Variants in ZKSCAN2 observed in about 807,000 individuals in gnomAD.
The protein encoded by ZKSCAN2 is zinc finger protein with KRAB and SCAN domains 2.
ZKSCAN2 carries 38 observed loss-of-function variants against 90.5 expected under a neutral mutation model. The ratio of observed to expected loss-of-function variants is 0.42; its 90% confidence interval spans 0.32 to 0.55. The LOEUF (loss-of-function observed/expected upper bound fraction) is 0.55, where lower values mean the gene tolerates loss of function less well. ZKSCAN2 is among the 20% of genes least tolerant of loss of function. ZKSCAN2 has a pLI of 0.11. For synonymous variants in ZKSCAN2, 429 were observed against 421.6 expected, an observed-to-expected ratio of 1.02 and a Z score of -0.22; for missense variants, 1,167 against 1,202.6, an observed-to-expected ratio of 0.97 and a Z score of 0.44.
intron 4 of ZKSCAN2, among the ~76,000 whole-genome samples, chr16:25,248,881 C>T (rs144142067): frequency 3.9e-5 from 6 of 152,232 alleles, no homozygotes; most frequent in Admixed American, 6.5e-5. Flanking sequence ...AGCTAAGATA[C>T]GGAAGCAACC....
At position 25,247,090 on chromosome 16, in the gene ZKSCAN2, C is replaced by T. The variant is rs774937230; in HGVS notation, c.1106G>A (p.Arg369Gln). 2.5e-6 allele frequency: 4 copies of T among 1,614,152 alleles called. No individual in the cohort carries two copies. Among genetic ancestry groups the T allele is most frequent in the South Asian group, 1.1e-5 (1 of 91,072 alleles). ...RFYETLQACP[R>Q]NSQVYGAVAE... is the part of the protein sequence containing the mutation. ...CACAGCACCATACACTTGGCTATTT[C>T]GGGGACAGGCCTGAAGTGTTTCATA... Residue 369 changes from arginine (R) to glutamine (Q), a missense_variant, in exon 5 of 7, where the codon CGA becomes CAA. By Grantham distance (43) the Arg-to-Gln change is conservative. Coordinates refer to ENST00000328086, the MANE Select transcript of ZKSCAN2 (RefSeq NM_001012981.5).
chr16:25,246,739 T>G lies in ZKSCAN2; in HGVS notation c.1457A>C (p.His486Pro). The change falls in exon 5 of 7, where the codon CAT becomes CCT. Residue 486 changes from histidine (H) to proline (P), a missense_variant. Coordinates refer to ENST00000328086, the MANE Select transcript of ZKSCAN2 (RefSeq NM_001012981.5). ...GIEFIRKSEI[H>P]GAPVLFQNLS... is the part of the protein sequence containing the mutation. ...ATTCTGAAACAAGACAGGGGCACCA[T>G]GGATTTCAGACTTGCGGATAAATTC... The G allele has an allele frequency of 1.2e-6, 2 of 1,614,224 alleles. No individual in the cohort carries two copies. Among genetic ancestry groups the G allele is most frequent in the Non-Finnish European group, 1.7e-6 (2 of 1,180,032 alleles).
intron 6 of ZKSCAN2, among the ~76,000 whole-genome samples, 192 bp from the exon 7 acceptor site, chr16:25,240,930 C>A (rs983301897): frequency 6.6e-6 from 1 of 152,178 alleles, no homozygotes; most frequent in Non-Finnish European, 1.5e-5. Context: ...ACAGAGTAGG[C>A]CTTAAGAAAT....
Position 25,252,745 on chromosome 16 carries a change from C to A in ZKSCAN2, c.678+201G>T, listed in dbSNP as rs531309135. 2.0e-5 allele frequency among the ~76,000 whole-genome samples: 3 copies of A among 152,176 alleles called. No homozygotes were observed. The South Asian group carries it at 6.2e-4, about 32-fold the overall frequency. ...CCTAGGCAACATGGTGAAACCCTGT[C>A]TCTACTAAAAATACTAAAACTTAGC... is the stretch of plus-strand genomic sequence containing the variant. On this transcript the variant is annotated intron_variant, in intron 3 of 6. Transcript: ENST00000328086.
intron 5 of ZKSCAN2, 123 bp from the exon 6 acceptor site, chr16:25,244,399 A>C: frequency 1.0e-6 from 1 of 991,974 alleles, no homozygotes; most frequent in Non-Finnish European, 1.5e-6. Context: ...CAAGAACTAC[A>C]TATGCCTAGG....
At position 25,248,956 on chromosome 16, in the gene ZKSCAN2, A is replaced by G. The variant is rs568600592; in HGVS notation, c.806-1566T>C. Among the ~76,000 whole-genome samples the G allele has an allele frequency of 7.2e-5, 11 of 152,364 alleles. No individual in the cohort carries two copies. The South Asian group carries it at 1.0e-3, about 14-fold the overall frequency. On this transcript the variant is annotated intron_variant, in intron 4 of 6. Transcript: ENST00000328086. ...CAAAGGAATATTATTCTGCCTTAAA[A>G]AAGAAGAAAATTCTGCCTTTTGCAA...
intron 5 of ZKSCAN2, chr16:25,246,130 C>T (rs1962929965): frequency 6.5e-6 from 1 of 153,178 alleles, no homozygotes; most frequent in Non-Finnish European, 1.5e-5. Context: ...CTCTTATAAG[C>T]AATTAATGTC....
chr16:25,256,846 G>C lies in ZKSCAN2; in HGVS notation c.282C>G (p.Leu94=). 1 of 1,614,196 alleles carries C rather than the reference G, an allele frequency of 6.2e-7. No homozygotes were observed. The highest frequency in any genetic ancestry group is 8.5e-7 in the Non-Finnish European group (1 of 1,180,046). The change falls in exon 1 of 7, where the codon CTC becomes CTG. Residue 94 remains leucine, a synonymous_variant. Transcript: ENST00000328086. ...CCTGAATCTTCTCGGGTAAAATGGT[G>C]AGAAACTGCTCAATCACCAGCAGCT... ...ILELLVIEQF[L]TILPEKIQAW...
chr16:25,244,271 G>T lies in ZKSCAN2; in HGVS notation c.1495C>A (p.His499Asn). ...GTCTTGGTTTCTTCATAGCCCCAGT[G>T]CACGCCTGCCATTTGGGGATAAAGT... ...PVLFQNLSGVHWGYEETKTFL... is the reference protein window; with the variant it reads ...PVLFQNLSGVNWGYEETKTFL... The change falls in exon 6 of 7, where the codon CAC (histidine) becomes AAC (asparagine). Residue 499 changes from histidine (H) to asparagine (N), a missense_variant. Physicochemically the swap from His to Asn is moderately conservative, Grantham distance 68. Transcript: ENST00000328086. The T allele has an allele frequency of 1.2e-6, 2 of 1,610,610 alleles. No individual in the cohort carries two copies. Among genetic ancestry groups the T allele is most frequent in the Non-Finnish European group, 1.7e-6 (2 of 1,177,536 alleles).
rs1963119837 is a variant in ZKSCAN2 at position 25,257,239 on chromosome 16, A to C, written c.-112T>G. 1 of 1,495,880 alleles carries C rather than the reference A, an allele frequency of 6.7e-7. No homozygotes were observed. Among genetic ancestry groups the C allele is most frequent in the African/African-American group, 1.4e-5 (1 of 71,592 alleles). 92.7% of individuals were successfully genotyped at this position (1,495,880 alleles called of 1,614,324 possible). A position where few individuals can be genotyped will look rare whatever the true frequency, so the allele number is the denominator to read the frequency against. On this transcript the variant is annotated 5_prime_UTR_variant, in exon 1 of 7. Coordinates refer to ENST00000328086, the MANE Select transcript of ZKSCAN2 (RefSeq NM_001012981.5). The stretch of plus-strand genomic sequence containing the variant: ...AGTGTGATAAGGTACGGAGGTAAAA[A>C]CGGCCAGGTCGGCAGGAACAGGGTA...
chr16:25,246,852 C>T lies in ZKSCAN2; in HGVS notation c.1344G>A (p.Lys448=). ...GTTCCTTAGCACTGATGGCAATTCT[C>T]TTCAGTCTGGGGACAGGTATCATCT... ...PKEMIPVPRL[K]RIAISAKEHI... Residue 448 remains lysine, a synonymous_variant, in exon 5 of 7, where the codon AAG becomes AAA. Transcript: ENST00000328086. 1 of 1,614,208 alleles carries T rather than the reference C, an allele frequency of 6.2e-7. No homozygotes were observed. Among genetic ancestry groups the T allele is most frequent in the South Asian group, 1.1e-5 (1 of 91,084 alleles).
At position 25,244,039 on chromosome 16, in the gene ZKSCAN2, T is replaced by C. The variant is rs1354629675; in HGVS notation, c.1727A>G (p.Tyr576Cys). 1 of 1,614,178 alleles carries C rather than the reference T, an allele frequency of 6.2e-7. No individual in the cohort carries two copies. Among genetic ancestry groups the C allele is most frequent in the Admixed American group, 1.7e-5 (1 of 60,016 alleles). The change falls in exon 6 of 7, where the codon TAC becomes TGC. Residue 576 changes from tyrosine (Y) to cysteine (C), a missense_variant. Tyr to Cys is a radical substitution (Grantham distance 194). Transcript: ENST00000328086. The part of the protein sequence containing the change: ...NGHVLESCAF[Y>C]KEMDALINSR... ...GTTAATCAGGGCATCCATCTCCTTG[T>C]AGAACGCGCAGGACTCTAGCACGTG...
chr16:25,255,873 G>A (rs1963094007), intron 1 of ZKSCAN2, among the ~76,000 whole-genome samples: 2 of 152,196 alleles, frequency 1.3e-5, no homozygotes, highest in South Asian at 2.1e-4. Context: ...GTGAGCCACC[G>A]CGCCTGGCCA....
rs61742723 is a variant in ZKSCAN2, at chr16:25,247,334, A to C, written c.862T>G (p.Trp288Gly). 2.5e-6 allele frequency: 4 copies of C among 1,613,382 alleles called. No individual in the cohort carries two copies. Among genetic ancestry groups the C allele is most frequent in the Non-Finnish European group, 3.4e-6 (4 of 1,179,978 alleles). ...ITRLEQRKEPWTLGLHSSNKR... is the reference protein window; with the variant it reads ...ITRLEQRKEPGTLGLHSSNKR... ...TTAGAGGAATGCAGACCTAGAGTCC[A>C]TGGCTCCTTTCTCTGTTCCAACCGG... is the stretch of plus-strand genomic sequence containing the variant. The change falls in exon 5 of 7, where the codon TGG becomes GGG. Residue 288 changes from tryptophan to glycine, a missense_variant. Coordinates refer to ENST00000328086, the MANE Select transcript of ZKSCAN2 (RefSeq NM_001012981.5).
rs1567349955 is a variant in ZKSCAN2 at position 25,240,305 on chromosome 16, A to G, written c.2415T>C (p.Cys805=). The change falls in exon 7 of 7, where the codon TGT becomes TGC. Residue 805 remains cysteine, a synonymous_variant. Coordinates refer to ENST00000328086, the MANE Select transcript of ZKSCAN2 (RefSeq NM_001012981.5). ...CATTAAAGCTTTTTCCACAGTCAAG[A>G]CATTTAAAAGGTTTTTCGCCTGTGT... ...RIHTGEKPFK[C]LDCGKSFNDS... 2 of 1,614,052 alleles carry G rather than the reference A, an allele frequency of 1.2e-6. No homozygotes were observed. The highest frequency in any genetic ancestry group is 1.7e-6 in the Non-Finnish European group (2 of 1,180,014).
rs1378942460 is a variant in ZKSCAN2 at position 25,238,772 on chromosome 16, C to T, written c.*1044G>A. On this transcript the variant is annotated 3_prime_UTR_variant, in exon 7 of 7. Transcript: ENST00000328086. Reference sequence around the variant, plus strand: ...AGCAGGCCAAAGGAGTCCAACTGGTCTTAGAAATGCTTCAGGTGTCTATTA... The same window carrying T: ...AGCAGGCCAAAGGAGTCCAACTGGTTTTAGAAATGCTTCAGGTGTCTATTA... The T allele has an allele frequency of 1.3e-5, 2 of 152,198 alleles. No homozygotes were observed. Among genetic ancestry groups the T allele is most frequent in the African/African-American group, 4.8e-5 (2 of 41,432 alleles). The allele number at this position is 152,198 out of a possible 1,614,324, so 9.4% of individuals were successfully genotyped here.
At chr16:25,242,309 G>A (rs1962866592) in intron 6 of ZKSCAN2, among the ~76,000 whole-genome samples, 1 of 152,160 alleles carries the variant, frequency 6.6e-6, no homozygotes, top group Admixed American at 6.6e-5. Context: ...GATTCACAAG[G>A]ACTTTGTTTC....
At position 25,240,074 on chromosome 16, in the gene ZKSCAN2, A is replaced by T. The variant is rs767346935; in HGVS notation, c.2646T>A (p.Thr882=). ...SHFSAHRRVH[T]GENPYKCVDC... ...CCACACATTTGTAGGGATTCTCCCC[A>T]GTGTGAACTCTCCGGTGGGCGCTGA... Residue 882 remains threonine (T), a synonymous_variant, in exon 7 of 7, where the codon ACT becomes ACA. Transcript: ENST00000328086. 8.1e-6 allele frequency: 13 copies of T among 1,613,710 alleles called. No individual in the cohort carries two copies. The Admixed American group carries it at 2.2e-4, about 27-fold the overall frequency.
rs1047277305 is a variant in ZKSCAN2 at position 25,244,131 on chromosome 16, C to T, written c.1635G>A (p.Arg545=). The T allele has an allele frequency of 6.2e-7, 1 of 1,614,120 alleles. No individual in the cohort carries two copies. Among genetic ancestry groups the T allele is most frequent in the Non-Finnish European group, 8.5e-7 (1 of 1,180,014 alleles). The stretch of plus-strand genomic sequence containing the variant: ...ACTTGGTTCGGCACTGTTCTGGTGT[C>T]CGGAGGAAGCCGCACTCTCGAAGCT... ...AEQLRECGFL[R]TPEQCRTKFK... Residue 545 remains arginine, a synonymous_variant, in exon 6 of 7, where the codon CGG becomes CGA. Transcript: ENST00000328086.
Sources: allele counts gnomAD v4.1 joint callset (sites outside exome capture counted in the v4.1 genomes callset), GRCh38; gene constraint gnomAD v4.1.1; transcripts MANE v1.5; gene names NCBI Gene and HGNC (gene_info 2026-07-23, HGNC 2026-07-21).